Variants in LGALS9B observed in about 807,000 individuals in gnomAD.
The protein encoded by LGALS9B is galectin 9B.
A neutral mutation model predicts 35.9 loss-of-function variants in LGALS9B; 8 were observed. The observed-to-expected ratio is 0.22, with a 90% CI of 0.13 to 0.40. The LOEUF is 0.40. Among genes scored for constraint, LGALS9B ranks in the 10% least tolerant of loss-of-function variants. The pLI, the probability that LGALS9B is intolerant of heterozygous loss-of-function variation, is 1.00. For synonymous variants in LGALS9B, 42 were observed against 148.6 expected (o/e 0.28, Z 5.22); for missense variants, 101 against 397.9 (o/e 0.25, Z 6.35).
In LGALS9B at chr17:20,467,444, G is replaced by A. The variant is rs1426737792; in HGVS notation, c.27C>T (p.Pro9=). Residue 9 remains proline, a synonymous_variant, in exon 1 of 11, where the codon CCC becomes CCT. Coordinates refer to ENST00000423676, the MANE Select transcript of LGALS9B (RefSeq NM_001367292.2). ...CCCTGGAACTCACTGGGCTCAGATA[G>A]GGAGCCTGGGAACCGCTGAAGGCCA... MAFSGSQA[P]YLSPAVPFSG... is the part of the protein sequence containing the mutation. 5.6e-6 allele frequency: 3 copies of A among 539,024 alleles called. No homozygotes were observed. Among genetic ancestry groups the A allele is most frequent in the Non-Finnish European group, 8.3e-6 (3 of 362,620 alleles). The allele number at this position is 539,024 out of a possible 1,614,324, so 33.4% of individuals were successfully genotyped here. A position where few individuals can be genotyped will look rare whatever the true frequency, so the allele number is the denominator to read the frequency against.
At chr17:20,451,217 A>C (rs933985664) in intron 10 of LGALS9B, among the ~76,000 whole-genome samples, 2 of 148,910 alleles carry the variant, frequency 1.3e-5, no homozygotes, top group Non-Finnish European at 3.0e-5. Flanking sequence ...CTGATTTGAC[A>C]CTTACTGACT....
Position 20,455,380 on chromosome 17 carries a change from C to A in LGALS9B, c.463G>T (p.Val155Phe). ...GGCACCGTGGAGAAGGCAGGCTGAA[C>A]GGGGACTGTGCGGGGATTCTGTTAA... ...ISFQNPRTVP[V>F]QPAFSTVPFS... The change falls in exon 5 of 11, where the codon GTT becomes TTT. Residue 155 changes from valine (V) to phenylalanine (F), a missense_variant. Val to Phe is a conservative substitution (Grantham distance 50). Coordinates refer to ENST00000423676, the MANE Select transcript of LGALS9B (RefSeq NM_001367292.2). The A allele has an allele frequency of 2.2e-6, 3 of 1,356,700 alleles. 1 individual carries two copies. The South Asian group carries it at 3.5e-5, about 16-fold the overall frequency. 84.0% of individuals were successfully genotyped at this position (1,356,700 alleles called of 1,614,324 possible).
intron 1 of LGALS9B, among the ~76,000 whole-genome samples, chr17:20,464,474 A>G (rs1181669853): frequency 6.6e-6 from 1 of 151,930 alleles, no homozygotes; most frequent in Non-Finnish European, 1.5e-5. Context: ...AAGCTGGAAA[A>G]GCAAAAGAAA....
At chr17:20,454,382 G>A (rs1284096059) in intron 5 of LGALS9B, among the ~76,000 whole-genome samples, 2 of 148,982 alleles carry the variant, frequency 1.3e-5, no homozygotes, top group Non-Finnish European at 3.0e-5. Context: ...CCACCCAGTA[G>A]ACTGTTCTTG....
rs1185175075 is a variant in LGALS9B, at chr17:20,453,084, A to G, written c.577-17T>C. 1.0e-5 allele frequency: 14 copies of G among 1,391,486 alleles called. 4 individuals are homozygous for G. The highest frequency in any genetic ancestry group is 1.4e-5 in the Non-Finnish European group (14 of 995,536). The allele number at this position is 1,391,486 out of a possible 1,614,324, so 86.2% of individuals were successfully genotyped here. ...TGTCTGGGTCTGGAAGAAAGAAACC[A>G]GGTCTCACCCAGGCTCTCCTGAGTA... On this transcript the variant is annotated splice_polypyrimidine_tract_variant and intron_variant, in intron 6 of 10. Coordinates refer to ENST00000423676, the MANE Select transcript of LGALS9B (RefSeq NM_001367292.2).
intron 4 of LGALS9B, among the ~76,000 whole-genome samples, 163 bp from the exon 5 acceptor site, chr17:20,455,561 G>A (rs1440237907): frequency 1.4e-4 from 18 of 128,882 alleles, no homozygotes; most frequent in Non-Finnish European, 3.6e-5. Flanking sequence ...GCCAGGCTTC[G>A]GTGAGCAGCG....
At chr17:20,467,377 C>G (rs1401127107) in intron 1 of LGALS9B, 55 bp downstream of exon 1, 4 of 1,278,784 alleles carry the variant, frequency 3.1e-6, no homozygotes, top group Non-Finnish European at 4.4e-6. Context: ...CTCAGAGCCC[C>G]ATAACTGTGT....
At chr17:20,458,949 G>GATATAT (rs111262600) in intron 2 of LGALS9B, among the ~76,000 whole-genome samples, 42 of 146,540 alleles carry the variant, frequency 2.9e-4, no homozygotes, top group African/African-American at 1.0e-3. Flanking sequence ...AAAACAAAAA[G>GATATAT]ATATATATAT....
At chr17:20,465,871 TGTCCCAACCCAGGGGAGCCCCCGTA>T (rs1359322316) in intron 1 of LGALS9B, among the ~76,000 whole-genome samples, 28 of 149,910 alleles carry the variant, frequency 1.9e-4, no homozygotes, top group Non-Finnish European at 1.5e-4. Context: ...GAGGCTCAAG[TGTCCCAACCCAGGGGAGCCCCCGTA>T]GGGTAGAGGG....
chr17:20,466,218 G>A (rs1424440604), intron 1 of LGALS9B, among the ~76,000 whole-genome samples: 5 of 151,100 alleles, frequency 3.3e-5, no homozygotes, highest in African/African-American at 1.2e-4. Flanking sequence ...TTCTACCTTG[G>A]GGGCTTCCAT....
intron 1 of LGALS9B, among the ~76,000 whole-genome samples, chr17:20,467,135 CT>C (rs1242827454): frequency 7.0e-6 from 1 of 143,692 alleles, no homozygotes; most frequent in Non-Finnish European, 1.5e-5. Flanking sequence ...CTTGCTTCCT[CT>C]TTACACAAAC....
intron 1 of LGALS9B, among the ~76,000 whole-genome samples, chr17:20,461,073 G>A: frequency 9.0e-6 from 1 of 111,184 alleles, no homozygotes; most frequent in Non-Finnish European, 2.0e-5. Flanking sequence ...CCGCAGCCCC[G>A]AGCCCCAGCG....
chr17:20,457,364 G>T lies in LGALS9B; in HGVS notation c.334-693C>A, dbSNP rs1044304226. On this transcript the variant is annotated intron_variant, in intron 3 of 10. Transcript: ENST00000423676. ...GTGTGCCACGGTGTTTTGCTGCACAGATCAACCCTTCACCTTGGTATCAAG... is the reference window on the plus strand; with the variant it reads ...GTGTGCCACGGTGTTTTGCTGCACATATCAACCCTTCACCTTGGTATCAAG... 1.1e-4 allele frequency: 13 copies of T among 119,970 alleles called. 1 individual carries two copies. Among genetic ancestry groups the T allele is most frequent in the Non-Finnish European group, 2.0e-4 (11 of 55,606 alleles). 7.4% of individuals were successfully genotyped at this position (119,970 alleles called of 1,614,324 possible).
chr17:20,449,837 C>G lies in LGALS9B; in HGVS notation c.*136G>C. 4.3e-6 allele frequency: 2 copies of G among 466,532 alleles called. 1 individual carries two copies. 28.9% of individuals were successfully genotyped at this position (466,532 alleles called of 1,614,324 possible). A position where few individuals can be genotyped will look rare whatever the true frequency, so the allele number is the denominator to read the frequency against. On this transcript the variant is annotated 3_prime_UTR_variant, in exon 11 of 11. Transcript: ENST00000423676. ...GGGTGGCTGTAGCCAGAAGCAGGACCAGATAAGGACATGGCCTCTGCATTA... is the reference window on the plus strand; with the variant it reads ...GGGTGGCTGTAGCCAGAAGCAGGACGAGATAAGGACATGGCCTCTGCATTA...
intron 5 of LGALS9B, among the ~76,000 whole-genome samples, chr17:20,454,569 A>C (rs919572150): frequency 2.0e-5 from 3 of 147,098 alleles, no homozygotes; most frequent in African/African-American, 7.4e-5. Flanking sequence ...ACACGCAAAC[A>C]GTTACAATGG....
In LGALS9B at chr17:20,451,610, G is replaced by A. The variant is rs368544798; in HGVS notation, c.795C>T (p.Ile265=). 2.1e-3 allele frequency: 3,359 copies of A among 1,599,246 alleles called. 82 individuals carry two copies. The African/African-American group carries it at 0.041, about 19-fold the overall frequency. Residue 265 remains isoleucine (I), a synonymous_variant, in exon 10 of 11, where the codon ATC becomes ATT. Transcript: ENST00000423676. ...FHINLCSGSH[I]AFHMNPRFDE... is the part of the protein sequence containing the mutation. ...CAAAACGGGGGTTCATGTGGAAGGC[G>A]ATGTGGCTCCCAGAGCACAGGTTGA...
chr17:20,452,984 C>T (rs377280384), intron 7 of LGALS9B, 33 bp downstream of exon 7: 1 of 1,383,356 alleles, frequency 7.2e-7, no homozygotes. Context: ...GGGCACTGTG[C>T]AGCTGTGAAC....
rs547828963 is a variant in LGALS9B at position 20,466,163 on chromosome 17, A to G, written c.39+1269T>C. On this transcript the variant is annotated intron_variant, in intron 1 of 10. Coordinates refer to ENST00000423676, the MANE Select transcript of LGALS9B (RefSeq NM_001367292.2). The stretch of plus-strand genomic sequence containing the variant: ...CATACGCTGACTCTAAGGCTCGCCC[A>G]ACACCGGCAGCCCGTTCCAGCTTCC... 3.4e-3 allele frequency among the ~76,000 whole-genome samples: 511 copies of G among 152,066 alleles called. 7 individuals carry two copies. Among genetic ancestry groups the G allele is most frequent in the African/African-American group, 0.012 (492 of 41,358 alleles).
Position 20,451,537 on chromosome 17 carries a change from A to C in LGALS9B, c.868T>G (p.Ser290Ala). The C allele has an allele frequency of 6.4e-7, 1 of 1,571,328 alleles. No individual in the cohort carries two copies. Among genetic ancestry groups the C allele is most frequent in the African/African-American group, 1.6e-5 (1 of 62,854 alleles). ...TTTCGGGGCAGACTTCGCTCCTCAG[A>C]CCCCCAAGAGTTGTTGATCTGGGTG... ...RNTQINNSWG[S>A]EERSLPRKMP... Residue 290 changes from serine to alanine, a missense_variant, in exon 10 of 11, where the codon TCT becomes GCT. Transcript: ENST00000423676.
Sources: gnomAD v4.1 joint callset for allele counts (sites outside exome capture counted in the v4.1 genomes callset) on GRCh38, gnomAD v4.1.1 for gene constraint, MANE v1.5 for transcripts, NCBI Gene and HGNC (gene_info 2026-07-23, HGNC 2026-07-21) for gene names.